Variants in BBS4 observed in about 807,000 individuals in gnomAD.
BBS4 encodes BBSome complex member BBS4.
In BBS4, 58 loss-of-function variants were observed where a neutral mutation model predicts 71.4. The observed-to-expected ratio is 0.81, with a 90% CI of 0.66 to 1.01. The LOEUF is 1.01. Among genes scored for constraint, BBS4 ranks in the 50% least tolerant of loss-of-function variants. BBS4 has a pLI of 0.00. For missense variants in BBS4, 660 were observed against 607.9 expected, an observed-to-expected ratio of 1.09 and a Z score of -0.90; for synonymous variants, 228 against 216.8, an observed-to-expected ratio of 1.05 and a Z score of -0.46.
intron 1 of BBS4, among the ~76,000 whole-genome samples, chr15:72,689,202 G>A (rs1318572874): frequency 1.3e-5 from 2 of 152,116 alleles, no homozygotes; most frequent in African/African-American, 4.8e-5. Context: ...GAGAGAAAAG[G>A]AAAAGACTCA....
At chr15:72,729,991 C>T (rs1348425580) in intron 10 of BBS4, among the ~76,000 whole-genome samples, 1 of 152,078 alleles carries the variant, frequency 6.6e-6, no homozygotes, top group East Asian at 1.9e-4. Context: ...AAAAATAAAT[C>T]TGCGGCCCGG....
chr15:72,728,497 C>T (rs372584955), intron 9 of BBS4, among the ~76,000 whole-genome samples: 1 of 146,628 alleles, frequency 6.8e-6, no homozygotes, highest in Non-Finnish European at 1.5e-5. Flanking sequence ...GATCCTGTCT[C>T]AGAAAAAAAA....
intron 1 of BBS4, among the ~76,000 whole-genome samples, chr15:72,691,510 T>TTA (rs2064983051): frequency 6.6e-6 from 1 of 152,192 alleles, no homozygotes; most frequent in South Asian, 2.1e-4. Context: ...CCATATATGT[T>TTA]TATATATATC....
chr15:72,738,396 C>A lies in BBS4; in HGVS notation c.*809C>A. ...TGTGTCCTTTTTAGAATAAAGATTA[C>A]ATATCATCATTCCTTTGGGGAAAAT... On this transcript the variant is annotated 3_prime_UTR_variant, in exon 16 of 16. Transcript: ENST00000268057. 2.4e-6 allele frequency: 1 copy of A among 417,146 alleles called. No individual in the cohort carries two copies. Among genetic ancestry groups the A allele is most frequent in the South Asian group, 1.8e-5 (1 of 56,624 alleles). The allele number at this position is 417,146 out of a possible 1,614,324, so 25.8% of individuals were successfully genotyped here.
rs1370238603 is a variant in BBS4 at position 72,738,217 on chromosome 15, GA to G, written c.*632del. The G allele has an allele frequency of 2.2e-6, 1 of 453,526 alleles. No homozygotes were observed. The highest frequency in any genetic ancestry group is 2.0e-5 in the African/African-American group (1 of 50,040). 28.1% of individuals were successfully genotyped at this position (453,526 alleles called of 1,614,324 possible). Reference sequence around the variant, plus strand: ...TTTGTTCTTGAGAGGGGTCAGTCTAGAAGCTAGATCCTATCAGGATGAGGAG... The same window carrying G: ...TTTGTTCTTGAGAGGGGTCAGTCTAGAGCTAGATCCTATCAGGATGAGGAG... On this transcript the variant is annotated 3_prime_UTR_variant, in exon 16 of 16. Coordinates refer to ENST00000268057, the MANE Select transcript of BBS4 (RefSeq NM_033028.5).
chr15:72,723,419 A>C (rs12372979), intron 7 of BBS4, among the ~76,000 whole-genome samples: 15,973 of 152,276 alleles, frequency 0.1, 975 homozygotes, highest in Non-Finnish European at 0.12. Context: ...GAAAAAGTAT[A>C]TATCATAATT....
At position 72,737,648 on chromosome 15, in the gene BBS4, A is replaced by C. The variant is rs2065953082; in HGVS notation, c.*61A>C. ...GGGCGAGGATGTGCTGGATTAGGAAAGGTGACATGACACAGGCAGAGCAGA... is the reference window on the plus strand; with the variant it reads ...GGGCGAGGATGTGCTGGATTAGGAACGGTGACATGACACAGGCAGAGCAGA... On this transcript the variant is annotated 3_prime_UTR_variant, in exon 16 of 16. Transcript: ENST00000268057. 7.5e-7 allele frequency: 1 copy of C among 1,338,868 alleles called. No homozygotes were observed. The highest frequency in any genetic ancestry group is 1.5e-5 in the African/African-American group (1 of 68,866). 82.9% of individuals were successfully genotyped at this position (1,338,868 alleles called of 1,614,324 possible).
intron 2 of BBS4, among the ~76,000 whole-genome samples, chr15:72,703,614 G>A (rs2065214296): frequency 6.6e-6 from 1 of 152,138 alleles, no homozygotes; most frequent in African/African-American, 2.4e-5. Context: ...TGGAGGCCCA[G>A]AGAAGTGAAA....
chr15:72,699,422 A>G (rs528839764), intron 2 of BBS4, among the ~76,000 whole-genome samples: 5 of 152,202 alleles, frequency 3.3e-5, no homozygotes, highest in Admixed American at 2.0e-4. Flanking sequence ...GTTAACTTCT[A>G]ATTTAAATGG....
intron 1 of BBS4, among the ~76,000 whole-genome samples, chr15:72,691,099 C>T (rs998008066): frequency 3.9e-5 from 6 of 152,058 alleles, no homozygotes; most frequent in Non-Finnish European, 8.8e-5. Flanking sequence ...ATCCTTCCAC[C>T]TCAACCTCCC....
chr15:72,701,189 C>G (rs993780026), intron 2 of BBS4, among the ~76,000 whole-genome samples: 1 of 152,130 alleles, frequency 6.6e-6, no homozygotes, highest in Non-Finnish European at 1.5e-5. Context: ...GTTTTGCCTG[C>G]TTTTGAATTT....
chr15:72,697,942 A>G (rs1365974978), intron 2 of BBS4: 2 of 455,848 alleles, frequency 4.4e-6, no homozygotes, highest in Non-Finnish European at 4.4e-6. Flanking sequence ...ATAATATGCT[A>G]CATGAGGCTA....
chr15:72,735,503 G>T, intron 13 of BBS4: 1 of 519,656 alleles, frequency 1.9e-6, no homozygotes, highest in Non-Finnish European at 3.5e-6. Context: ...TTTAATTCAA[G>T]ATAAAACTTG....
rs769483880 is a variant in BBS4, at chr15:72,735,193, TG to T, written c.1106+12del. The T allele has an allele frequency of 6.2e-7, 1 of 1,609,234 alleles. No individual in the cohort carries two copies. The highest frequency in any genetic ancestry group is 1.1e-5 in the South Asian group (1 of 90,964). On this transcript the variant is annotated intron_variant, in intron 13 of 15. Transcript: ENST00000268057. ...AGTCCACCTGGATAAGTATGCACTT[TG>T]TTGAGAATGGTACTGGCGGGGGTTG...
intron 2 of BBS4, among the ~76,000 whole-genome samples, chr15:72,698,375 A>C (rs1185715560): frequency 2.0e-5 from 3 of 152,154 alleles, no homozygotes; most frequent in Non-Finnish European, 1.5e-5. Context: ...GTACCCATTA[A>C]ACAATAAATC....
intron 1 of BBS4, among the ~76,000 whole-genome samples, chr15:72,692,946 C>CT (rs943712035): frequency 1.3e-5 from 2 of 151,966 alleles, no homozygotes; most frequent in African/African-American, 4.8e-5. Flanking sequence ...TACCTCCTTT[C>CT]TTTTTTTTAA....
At chr15:72,721,328 A>G (rs1374025880) in intron 6 of BBS4, among the ~76,000 whole-genome samples, 4 of 152,254 alleles carry the variant, frequency 2.6e-5, no homozygotes, top group African/African-American at 9.6e-5. Flanking sequence ...ATTTGTGGAT[A>G]AAACGTTGGG....
intron 1 of BBS4, among the ~76,000 whole-genome samples, chr15:72,694,093 C>T (rs1418751867): frequency 6.6e-6 from 1 of 151,846 alleles, no homozygotes; most frequent in African/African-American, 2.4e-5. Context: ...CCATGTTGGC[C>T]AGGCTGGTGT....
At chr15:72,725,152 T>C (rs964380704) in intron 8 of BBS4, among the ~76,000 whole-genome samples, 1 of 151,768 alleles carries the variant, frequency 6.6e-6, no homozygotes, top group African/African-American at 2.4e-5. Flanking sequence ...CCTCAACCTC[T>C]TGGGCTAAAG....
Sources: allele counts gnomAD v4.1 joint callset (sites outside exome capture counted in the v4.1 genomes callset), GRCh38; gene constraint gnomAD v4.1.1; transcripts MANE v1.5; gene names NCBI Gene and HGNC (gene_info 2026-07-23, HGNC 2026-07-21).